The following ABCA12 variants were observed in gnomAD, a reference collection of about 807,000 sequenced individuals.
ABCA12 encodes glucosylceramide transporter ABCA12.
In ABCA12, 156 loss-of-function variants were observed where a neutral mutation model predicts 293.5. The ratio of observed to expected loss-of-function variants is 0.53; its 90% CI spans 0.47 to 0.61. The LOEUF is 0.61. ABCA12 is among the 20% of genes least tolerant of loss of function. The pLI, the probability that ABCA12 is intolerant of heterozygous loss-of-function variation, is 0.00. For missense variants in ABCA12, 2,797 were observed against 3,090.2 expected (o/e 0.91, Z 2.25); for synonymous variants, 1,063 against 1,108.0 (o/e 0.96, Z 0.81).
chr2:215,108,402 A>G (rs1401439626), intron 2 of ABCA12, among the ~76,000 whole-genome samples: 1 of 152,208 alleles, frequency 6.6e-6, no homozygotes, highest in Non-Finnish European at 1.5e-5. Context: ...GCAATGTGAA[A>G]AATTAGTACT....
chr2:215,010,482 A>G lies in ABCA12; in HGVS notation c.2333-12T>C. 6.2e-7 allele frequency: 1 copy of G among 1,612,838 alleles called. No individual in the cohort carries two copies. The highest frequency in any genetic ancestry group is 1.1e-5 in the South Asian group (1 of 91,004). ...GAAGCAAAATGGTGCTGGAAGGAAA[A>G]AGTGAAATAAAACCATTTAATAGAT... On this transcript the variant is annotated splice_polypyrimidine_tract_variant and intron_variant, in intron 17 of 52. Transcript: ENST00000272895.
chr2:215,016,465 C>G (rs1270167233), intron 14 of ABCA12, among the ~76,000 whole-genome samples: 1 of 145,798 alleles, frequency 6.9e-6, no homozygotes, highest in Non-Finnish European at 1.5e-5. Context: ...TGCCTGTAGT[C>G]CCAGCTACTC....
At chr2:215,081,495 A>AAAG (rs3050133) in intron 2 of ABCA12, among the ~76,000 whole-genome samples, 100,823 of 127,222 alleles carry the variant, frequency 0.79, 43,550 homozygotes, top group Non-Finnish European at 0.92. Flanking sequence ...AAAAAAAAGA[A>AAAG]AAAGAAAAAA....
intron 2 of ABCA12, among the ~76,000 whole-genome samples, chr2:215,085,088 CA>C (rs34532043): frequency 0.11 from 10,290 of 95,694 alleles, 870 homozygotes; most frequent in African/African-American, 0.32. Context: ...ACCCTGTCTC[CA>C]AAAAAAAAAA....
At chr2:214,950,372 GTA>G (rs754787817) in intron 45 of ABCA12, among the ~76,000 whole-genome samples, 30 of 88,122 alleles carry the variant, frequency 3.4e-4, no homozygotes, top group South Asian at 6.0e-4. Context: ...ATATGTGTGT[GTA>G]TATATATATC....
intron 41 of ABCA12, among the ~76,000 whole-genome samples, chr2:214,957,651 C>T (rs1698990507): frequency 6.6e-6 from 1 of 152,150 alleles, no homozygotes; most frequent in Non-Finnish European, 1.5e-5. Flanking sequence ...CCATAATCAC[C>T]AGGCAAATGC....
chr2:214,986,616 G>T lies in ABCA12; in HGVS notation c.4089C>A (p.Asn1363Lys). Residue 1363 changes from asparagine (N) to lysine (K), a missense_variant, in exon 28 of 53, where the codon AAC becomes AAA. By Grantham distance (94) the Asn-to-Lys change is moderately conservative. This residue lies in a region of ABCA12 where 2,130 missense variants were observed against 2,427.0 expected (regional missense o/e 0.88). Transcript: ENST00000272895. ...GCCCTTCATAAAAGTTCAGATTGAG[G>T]TTATCAACAGCAACTTTTGAGCCAT... ...KIYGSKVAVD[N>K]LNLNFYEGHI... 1 of 1,614,058 alleles carries T rather than the reference G, an allele frequency of 6.2e-7. No individual in the cohort carries two copies. The highest frequency in any genetic ancestry group is 8.5e-7 in the Non-Finnish European group (1 of 1,179,984).
intron 4 of ABCA12, among the ~76,000 whole-genome samples, chr2:215,053,607 C>A (rs764804906): frequency 2.6e-5 from 4 of 152,026 alleles, no homozygotes; most frequent in Non-Finnish European, 5.9e-5. Context: ...CATTCACCAC[C>A]ATGTTCCTGC....
intron 2 of ABCA12, among the ~76,000 whole-genome samples, chr2:215,104,325 T>A (rs138696378): frequency 2.0e-5 from 3 of 152,290 alleles, no homozygotes; most frequent in African/African-American, 4.8e-5. Flanking sequence ...TCTGTGCAAT[T>A]CTGTTTACTG....
chr2:215,012,273 C>CT, intron 15 of ABCA12, 138 bp from the exon 16 acceptor site: 2 of 737,964 alleles, frequency 2.7e-6, no homozygotes, highest in Non-Finnish European at 4.4e-6. Context: ...GTAAATTTAA[C>CT]ACTCAACCTG....
At chr2:215,124,137 T>C (rs1056164529) in intron 1 of ABCA12, among the ~76,000 whole-genome samples, 1 of 152,222 alleles carries the variant, frequency 6.6e-6, no homozygotes, top group Non-Finnish European at 1.5e-5. Flanking sequence ...CCATCACATA[T>C]ATATTCCACA....
intron 2 of ABCA12, among the ~76,000 whole-genome samples, chr2:215,070,432 CAGTT>C (rs1170069261): frequency 2.6e-5 from 4 of 151,590 alleles, no homozygotes; most frequent in Non-Finnish European, 5.9e-5. Context: ...TACATGTGCA[CAGTT>C]AGTTACATAT....
intron 30 of ABCA12, among the ~76,000 whole-genome samples, chr2:214,980,881 T>C (rs1467145960): frequency 6.6e-6 from 1 of 151,998 alleles, no homozygotes. Flanking sequence ...GGCAGATCAC[T>C]TGAGGTCAGG....
At position 214,956,909 on chromosome 2, in the gene ABCA12, A is replaced by G. The variant is rs1304833609; in HGVS notation, c.6118-131T>C. The G allele has an allele frequency of 9.0e-6, 6 of 669,162 alleles. No homozygotes were observed. The East Asian group carries it at 1.1e-4, about 12-fold the overall frequency. The allele number at this position is 669,162 out of a possible 1,614,324, so 41.5% of individuals were successfully genotyped here. A position where few individuals can be genotyped will look rare whatever the true frequency, so the allele number is the denominator to read the frequency against. ...AATTTGAAGAAATGAATTCTTATTT[A>G]TGTTCCCATTGCTTCTAACATTCAA... On this transcript the variant is annotated intron_variant, in intron 41 of 52. Transcript: ENST00000272895.
In ABCA12 at chr2:215,119,439, T is replaced by A. The variant is rs932940314; in HGVS notation, c.70-7749A>T. Among the ~76,000 whole-genome samples the A allele has an allele frequency of 8.5e-5, 13 of 152,254 alleles. No homozygotes were observed. The South Asian group carries it at 2.5e-3, about 29-fold the overall frequency. On this transcript the variant is annotated intron_variant, in intron 1 of 52. Transcript: ENST00000272895. ...CTTTTAGGATTTTTAGAGTTTGAGG[T>A]CTTACAGTTAAGTCTCTAATCCATC...
chr2:214,946,566 G>C (rs1012730108), intron 48 of ABCA12, among the ~76,000 whole-genome samples: 1 of 152,092 alleles, frequency 6.6e-6, no homozygotes, highest in African/African-American at 2.4e-5. Flanking sequence ...AGAAAGATGG[G>C]CTGTGCATCA....
intron 50 of ABCA12, among the ~76,000 whole-genome samples, chr2:214,942,022 GT>G (rs1347850331): frequency 2.0e-5 from 3 of 152,034 alleles, no homozygotes; most frequent in Admixed American, 1.3e-4. Context: ...GTTATTTTGT[GT>G]TTGTTAGTTG....
At position 215,004,261 on chromosome 2, in the gene ABCA12, C is replaced by G; in HGVS notation, c.2631G>C (p.Lys877Asn). 1 of 1,613,856 alleles carries G rather than the reference C, an allele frequency of 6.2e-7. No individual in the cohort carries two copies. The highest frequency in any genetic ancestry group is 8.5e-7 in the Non-Finnish European group (1 of 1,179,964). ...LRNPFVQVFVKFSVGLDAVEL... is the reference protein window; with the variant it reads ...LRNPFVQVFVNFSVGLDAVEL... The stretch of plus-strand genomic sequence containing the variant: ...CAACAGCATCGAGTCCCACGGAGAA[C>G]TTTACAAAAACTTGCACAAAAGGGT... The change falls in exon 20 of 53, where the codon AAG (lysine) becomes AAC (asparagine). Residue 877 changes from lysine to asparagine, a missense_variant. Physicochemically the swap from Lys to Asn is moderately conservative, Grantham distance 94 (BLOSUM62 0). Transcript: ENST00000272895.
intron 47 of ABCA12, 36 bp downstream of exon 47, chr2:214,948,560 G>A (rs1309899505): frequency 6.8e-6 from 11 of 1,610,996 alleles, no homozygotes; most frequent in Non-Finnish European, 9.3e-6. Context: ...AACAATAATG[G>A]TTTCAAATTA....
Sources: allele counts gnomAD v4.1 joint callset (sites outside exome capture counted in the v4.1 genomes callset), GRCh38; gene constraint gnomAD v4.1.1; regional missense constraint gnomAD v4.1.1; transcripts MANE v1.5; gene names NCBI Gene and HGNC (gene_info 2026-07-23, HGNC 2026-07-21).